SLC6A20: variants seen among roughly 807,000 people sequenced by gnomAD.
SLC6A20 encodes sodium- and chloride-dependent transporter XTRP3.
Under a neutral mutation model 64.3 loss-of-function variants are expected in SLC6A20, and 73 were observed. The ratio of observed to expected loss-of-function variants is 1.14; its 90% confidence interval spans 0.94 to 1.38. The LOEUF is 1.38. Ranked by LOEUF, SLC6A20 falls within the 40% of genes most tolerant of loss-of-function variation. The pLI is 0.00. For synonymous variants in SLC6A20, 347 were observed against 329.6 expected (o/e 1.05, Z -0.57); for missense variants, 725 against 772.8 (o/e 0.94, Z 0.73).
intron 4 of SLC6A20, among the ~76,000 whole-genome samples, chr3:45,775,255 G>C (rs1448606875): frequency 2.0e-5 from 3 of 152,100 alleles, no homozygotes; most frequent in Non-Finnish European, 4.4e-5. Flanking sequence ...ATCACCTGGC[G>C]AGCTTTTAAA....
rs1183790522 is a variant in SLC6A20, at chr3:45,758,894, G to A, written c.*84C>T. ...GAAGTTGATGGGCTGAGCACTCCTG[G>A]CTTAAGCATTTGAAAAAGCAGCCGA... On this transcript the variant is annotated 3_prime_UTR_variant, in exon 11 of 11. Coordinates refer to ENST00000358525, the MANE Select transcript of SLC6A20 (RefSeq NM_020208.4). 1 of 1,494,956 alleles carries A rather than the reference G, an allele frequency of 6.7e-7. No homozygotes were observed. Among genetic ancestry groups the A allele is most frequent in the Non-Finnish European group, 8.9e-7 (1 of 1,121,918 alleles). 92.6% of individuals were successfully genotyped at this position (1,494,956 alleles called of 1,614,324 possible). A position where few individuals can be genotyped will look rare whatever the true frequency, so the allele number is the denominator to read the frequency against.
chr3:45,783,303 A>G (rs1470885066), intron 1 of SLC6A20, among the ~76,000 whole-genome samples: 1 of 152,250 alleles, frequency 6.6e-6, no homozygotes, highest in Non-Finnish European at 1.5e-5. Context: ...GCAAAGATTA[A>G]GGGCTGATTA....
intron 1 of SLC6A20, 53 bp downstream of exon 1, chr3:45,796,246 C>T: frequency 1.3e-6 from 2 of 1,557,006 alleles, no homozygotes; most frequent in Non-Finnish European, 1.7e-6. Context: ...CTCGCACACA[C>T]GGCGGGGACG....
chr3:45,758,739 C>G lies in SLC6A20; in HGVS notation c.*239G>C. On this transcript the variant is annotated 3_prime_UTR_variant, in exon 11 of 11. Transcript: ENST00000358525. ...AGGATGCAGTTATCTTTGAGACCGG[C>G]TTTCATAGCCCACCCCCTTCCATGA... The G allele has an allele frequency of 7.7e-7, 1 of 1,292,842 alleles. No homozygotes were observed. 80.1% of individuals were successfully genotyped at this position (1,292,842 alleles called of 1,614,324 possible). A position where few individuals can be genotyped will look rare whatever the true frequency, so the allele number is the denominator to read the frequency against.
At chr3:45,781,326 C>T (rs1055643335) in intron 2 of SLC6A20, among the ~76,000 whole-genome samples, 5 of 152,240 alleles carry the variant, frequency 3.3e-5, no homozygotes, top group Admixed American at 6.5e-5. Context: ...GCAACCAGGT[C>T]ACATATAAGC....
At chr3:45,776,125 C>T (rs1347131760) in intron 3 of SLC6A20, 137 bp from the exon 4 acceptor site, 4 of 769,558 alleles carry the variant, frequency 5.2e-6, no homozygotes, top group African/African-American at 1.7e-5. Flanking sequence ...GTGGCTGGAG[C>T]CCCTGAAGGC....
chr3:45,779,616 G>A (rs1299199059), intron 3 of SLC6A20, among the ~76,000 whole-genome samples: 8 of 152,166 alleles, frequency 5.3e-5, no homozygotes, highest in Admixed American at 2.6e-4. Flanking sequence ...AGGACAGGCC[G>A]TTGCTGTCTT....
intron 3 of SLC6A20, among the ~76,000 whole-genome samples, chr3:45,778,294 G>C (rs939911356): frequency 6.6e-6 from 1 of 152,146 alleles, no homozygotes; most frequent in African/African-American, 2.4e-5. Context: ...TCAGCCTCGT[G>C]GGGTGGCTGT....
At chr3:45,780,207 G>A in intron 2 of SLC6A20, 107 bp from the exon 3 acceptor site, 2 of 1,000,854 alleles carry the variant, frequency 2.0e-6, no homozygotes, top group Non-Finnish European at 3.0e-6. Flanking sequence ...CCCCGGGGTG[G>A]GCGAGGCCTC....
intron 2 of SLC6A20, 97 bp from the exon 3 acceptor site, chr3:45,780,197 C>T (rs1700053479): frequency 4.1e-6 from 5 of 1,222,328 alleles, no homozygotes; most frequent in East Asian, 2.6e-5. Context: ...GTGGCGACCG[C>T]CCCGGGGTGG....
chr3:45,775,808 G>T lies in SLC6A20; in HGVS notation c.535C>A (p.Leu179Met). ...EPALCLLLAW[L>M]VVYLCILRGT... ...CGCAGGATGCACAGGTACACCACCA[G>T]CCAGGCCAGGAGGAGGCACAGCGCC... Residue 179 changes from leucine to methionine, a missense_variant, in exon 4 of 11, where the codon CTG (leucine) becomes ATG (methionine). Coordinates refer to ENST00000358525, the MANE Select transcript of SLC6A20 (RefSeq NM_020208.4). 6.2e-7 allele frequency: 1 copy of T among 1,614,142 alleles called. No homozygotes were observed.
intron 2 of SLC6A20, among the ~76,000 whole-genome samples, chr3:45,780,792 A>G (rs975919406): frequency 6.6e-6 from 1 of 152,196 alleles, no homozygotes; most frequent in Non-Finnish European, 1.5e-5. Flanking sequence ...ACTCGGTAGT[A>G]GAAACCGGCC....
At chr3:45,770,984 G>A (rs545637639) in intron 6 of SLC6A20, among the ~76,000 whole-genome samples, 2 of 152,288 alleles carry the variant, frequency 1.3e-5, no homozygotes, top group African/African-American at 4.8e-5. Flanking sequence ...TTTGATCATT[G>A]TATGTCCTAT....
At chr3:45,792,282 T>G (rs909033657) in intron 1 of SLC6A20, among the ~76,000 whole-genome samples, 1 of 152,116 alleles carries the variant, frequency 6.6e-6, no homozygotes, top group Non-Finnish European at 1.5e-5. Context: ...AGCAGATGAG[T>G]GCAGGGTGCT....
Position 45,775,883 on chromosome 3 carries a change from G to C in SLC6A20, c.460C>G (p.Leu154Val). 1 of 1,614,190 alleles carries C rather than the reference G, an allele frequency of 6.2e-7. No homozygotes were observed. The highest frequency in any genetic ancestry group is 8.5e-7 in the Non-Finnish European group (1 of 1,180,042). Reference sequence around the variant, plus strand: ...TCCTGGAGGGACGGCGAGATATTGAGGGTTTTCCTGTACCAGAAGTACTGT... The same window carrying C: ...TCCTGGAGGGACGGCGAGATATTGACGGTTTTCCTGTACCAGAAGTACTGT... The part of the protein sequence containing the change: ...STQYFWYRKT[L>V]NISPSLQENG... The change falls in exon 4 of 11, where the codon CTC becomes GTC. Residue 154 changes from leucine to valine, a missense_variant. Leu to Val is a conservative substitution (Grantham distance 32, BLOSUM62 1). Coordinates refer to ENST00000358525, the MANE Select transcript of SLC6A20 (RefSeq NM_020208.4).
Position 45,758,753 on chromosome 3 carries a change from C to A in SLC6A20, c.*225G>T. On this transcript the variant is annotated 3_prime_UTR_variant, in exon 11 of 11. Coordinates refer to ENST00000358525, the MANE Select transcript of SLC6A20 (RefSeq NM_020208.4). ...TTTGAGACCGGCTTTCATAGCCCACCCCCTTCCATGATGAGGAGGCAGGTG... is the reference window on the plus strand; with the variant it reads ...TTTGAGACCGGCTTTCATAGCCCACACCCTTCCATGATGAGGAGGCAGGTG... 1.5e-6 allele frequency: 2 copies of A among 1,319,910 alleles called. No homozygotes were observed. The highest frequency in any genetic ancestry group is 2.3e-5 in the South Asian group (1 of 43,330). 81.8% of individuals were successfully genotyped at this position (1,319,910 alleles called of 1,614,324 possible). A position where few individuals can be genotyped will look rare whatever the true frequency, so the allele number is the denominator to read the frequency against.
At chr3:45,788,726 A>G (rs991553275) in intron 1 of SLC6A20, among the ~76,000 whole-genome samples, 3 of 152,242 alleles carry the variant, frequency 2.0e-5, no homozygotes, top group African/African-American at 7.2e-5. Flanking sequence ...TTTTTGAGTA[A>G]AAAACATTGT....
chr3:45,763,974 G>A (rs1172219063), intron 8 of SLC6A20, among the ~76,000 whole-genome samples: 1 of 152,212 alleles, frequency 6.6e-6, no homozygotes, highest in African/African-American at 2.4e-5. Context: ...GCCTGAGGAG[G>A]GGGTCTAAGT....
At chr3:45,771,489 T>C in intron 5 of SLC6A20, 31 bp from the exon 6 acceptor site, 1 of 1,610,718 alleles carries the variant, frequency 6.2e-7, no homozygotes, top group South Asian at 1.1e-5. Context: ...GGGCTGATGA[T>C]CCCTGGGTGG....
Sources: gnomAD v4.1 joint callset for allele counts (sites outside exome capture counted in the v4.1 genomes callset) on GRCh38, gnomAD v4.1.1 for gene constraint, MANE v1.5 for transcripts, NCBI Gene and HGNC (gene_info 2026-07-23, HGNC 2026-07-21) for gene names.